Variants in CCNJ observed in about 807,000 individuals in gnomAD.
CCNJ encodes cyclin-J.
A neutral mutation model predicts 41.4 loss-of-function variants in CCNJ; 12 were observed. The ratio of observed to expected loss-of-function variants is 0.29; its 90% CI spans 0.19 to 0.47. The LOEUF (loss-of-function observed/expected upper bound fraction) is 0.47. Among genes scored for constraint, CCNJ ranks in the 20% least tolerant of loss-of-function variants. CCNJ has a pLI of 1.00. For synonymous variants in CCNJ, 161 were observed against 173.4 expected, an observed-to-expected ratio of 0.93 and a Z score of 0.56; for missense variants, 340 against 464.6, an observed-to-expected ratio of 0.73 and a Z score of 2.47.
chr10:96,051,217 A>T (rs1349196972), intron 3 of CCNJ, among the ~76,000 whole-genome samples: 1 of 152,228 alleles, frequency 6.6e-6, no homozygotes, highest in Non-Finnish European at 1.5e-5. Context: ...TTAGTACAGA[A>T]TATACTGGTG....
intron 2 of CCNJ, among the ~76,000 whole-genome samples, chr10:96,048,799 AT>A (rs1484568236): frequency 3.9e-5 from 6 of 152,282 alleles, no homozygotes; most frequent in Non-Finnish European, 7.4e-5. Flanking sequence ...TATATACCAC[AT>A]TTTGTTTATC....
At chr10:96,056,057 C>A (rs1392585262) in intron 3 of CCNJ, among the ~76,000 whole-genome samples, 2 of 152,234 alleles carry the variant, frequency 1.3e-5, no homozygotes, top group African/African-American at 4.8e-5. Context: ...CGCCTGTAAT[C>A]CCAACACTTT....
At chr10:96,044,515 C>G (rs761381314) in intron 2 of CCNJ, 53 bp downstream of exon 2, 1 of 1,360,754 alleles carries the variant, frequency 7.3e-7, no homozygotes, top group Non-Finnish European at 9.8e-7. Context: ...GCCAGTTGTT[C>G]TGAATCTCGG....
In CCNJ at chr10:96,058,521, CAG is replaced by C. The variant is rs892083172; in HGVS notation, c.*282_*283del. The C allele has an allele frequency of 8.4e-6, 4 of 477,480 alleles. No homozygotes were observed. Among genetic ancestry groups the C allele is most frequent in the African/African-American group, 2.0e-5 (1 of 51,252 alleles). The allele number at this position is 477,480 out of a possible 1,614,324, so 29.6% of individuals were successfully genotyped here. ...AATATTTCAAAAATATTCAGTACAA[CAG>C]AAAATTTGGACAGACTTCAATTTGC... On this transcript the variant is annotated 3_prime_UTR_variant, in exon 6 of 6. Coordinates refer to ENST00000465148, the MANE Select transcript of CCNJ (RefSeq NM_001134375.2).
chr10:96,052,227 G>A (rs1304499622), intron 3 of CCNJ, among the ~76,000 whole-genome samples: 1 of 152,156 alleles, frequency 6.6e-6, no homozygotes, highest in Non-Finnish European at 1.5e-5. Context: ...TGGCTGTGAA[G>A]CCCTTTGGGG....
At chr10:96,057,332 GCA>G in intron 5 of CCNJ, 85 bp downstream of exon 5, 1 of 1,170,654 alleles carries the variant, frequency 8.5e-7, no homozygotes, top group South Asian at 1.3e-5. Flanking sequence ...CTTCTGAAAG[GCA>G]CAGAGTTCCT....
chr10:96,056,031 C>T (rs559998348), intron 3 of CCNJ, among the ~76,000 whole-genome samples: 6 of 152,274 alleles, frequency 3.9e-5, no homozygotes, highest in Admixed American at 1.3e-4. Flanking sequence ...TCCTCTTGGC[C>T]GGGCGCAGTG....
At position 96,058,013 on chromosome 10, in the gene CCNJ, A is replaced by G. The variant is rs368393458; in HGVS notation, c.924A>G (p.Gln308=). ...AGTATCGCCATCCTACGTCAGAACA[A>G]CCAAGCTGTCAGCAGATTGTATCGA... The part of the protein sequence containing the change: ...SLQYRHPTSE[Q]PSCQQIVSTT... Residue 308 remains glutamine, a synonymous_variant, in exon 6 of 6, where the codon CAA becomes CAG. Transcript: ENST00000465148. 5 of 1,613,992 alleles carry G rather than the reference A, an allele frequency of 3.1e-6. No individual in the cohort carries two copies. In the African/African-American group the frequency reaches 6.7e-5, roughly 22 times the overall value.
rs2080771152 is a variant in CCNJ at position 96,059,365 on chromosome 10, T to G, written c.*1124T>G. Reference sequence around the variant, plus strand: ...CCTTTGAATCCAGCTCTAGTCAGTCTAAGCAGGCAAAGGTAACTGATGACT... The same window carrying G: ...CCTTTGAATCCAGCTCTAGTCAGTCGAAGCAGGCAAAGGTAACTGATGACT... On this transcript the variant is annotated 3_prime_UTR_variant, in exon 6 of 6. Transcript: ENST00000465148. 1 of 152,666 alleles carries G rather than the reference T, an allele frequency of 6.6e-6. No homozygotes were observed. Among genetic ancestry groups the G allele is most frequent in the Non-Finnish European group, 1.5e-5 (1 of 68,048 alleles). 9.5% of individuals were successfully genotyped at this position (152,666 alleles called of 1,614,324 possible). A position where few individuals can be genotyped will look rare whatever the true frequency, so the allele number is the denominator to read the frequency against.
chr10:96,048,793 TACC>T (rs2080437050), intron 2 of CCNJ, among the ~76,000 whole-genome samples: 1 of 152,232 alleles, frequency 6.6e-6, no homozygotes. Flanking sequence ...TCCATGTATA[TACC>T]ACATTTTGTT....
In CCNJ at chr10:96,060,572, G is replaced by A. The variant is rs1000772419; in HGVS notation, c.*2331G>A. 3 of 151,984 alleles carry A rather than the reference G, an allele frequency of 2.0e-5. No homozygotes were observed. Among genetic ancestry groups the A allele is most frequent in the African/African-American group, 7.3e-5 (3 of 41,212 alleles). 9.4% of individuals were successfully genotyped at this position (151,984 alleles called of 1,614,324 possible). ...ACAACTGCTAGCTTTGGGGGGTGGGGGAACATTGTGTGGGTTTTGTTTTGT... is the reference window on the plus strand; with the variant it reads ...ACAACTGCTAGCTTTGGGGGGTGGGAGAACATTGTGTGGGTTTTGTTTTGT... On this transcript the variant is annotated 3_prime_UTR_variant, in exon 6 of 6. Coordinates refer to ENST00000465148, the MANE Select transcript of CCNJ (RefSeq NM_001134375.2).
chr10:96,051,329 GTTTT>G (rs565322965), intron 3 of CCNJ, among the ~76,000 whole-genome samples: 18 of 150,702 alleles, frequency 1.2e-4, no homozygotes, highest in Non-Finnish European at 2.2e-4. Context: ...TTGAAATTGT[GTTTT>G]TTTTTCTTTT....
chr10:96,050,566 T>C, intron 3 of CCNJ, 100 bp downstream of exon 3: 1 of 847,372 alleles, frequency 1.2e-6, no homozygotes. Flanking sequence ...ATCCCATTCA[T>C]TCCAGTTCAC....
intron 3 of CCNJ, among the ~76,000 whole-genome samples, chr10:96,053,579 A>C (rs1348340801): frequency 6.6e-6 from 1 of 152,184 alleles, no homozygotes; most frequent in Non-Finnish European, 1.5e-5. Context: ...TGTGACCAAC[A>C]TTACATTTAT....
rs372476077 is a variant in CCNJ at position 96,044,387 on chromosome 10, G to C, written c.-7G>C. Reference sequence around the variant, plus strand: ...GCCGCGTCGGGCTGGGCGCGCCGCCGGGTCCCATGGAGCTGGAGGGGCAGT... The same window carrying C: ...GCCGCGTCGGGCTGGGCGCGCCGCCCGGTCCCATGGAGCTGGAGGGGCAGT... On this transcript the variant is annotated 5_prime_UTR_variant, in exon 2 of 6. Coordinates refer to ENST00000465148, the MANE Select transcript of CCNJ (RefSeq NM_001134375.2). 60 of 1,525,156 alleles carry C rather than the reference G, an allele frequency of 3.9e-5. No individual in the cohort carries two copies. In the African/African-American group the frequency reaches 6.2e-4, roughly 16 times the overall value. The allele number at this position is 1,525,156 out of a possible 1,614,324, so 94.5% of individuals were successfully genotyped here. A position where few individuals can be genotyped will look rare whatever the true frequency, so the allele number is the denominator to read the frequency against.
chr10:96,056,493 T>A (rs941262721), intron 3 of CCNJ, among the ~76,000 whole-genome samples: 2 of 148,552 alleles, frequency 1.3e-5, no homozygotes, highest in African/African-American at 5.2e-5. Flanking sequence ...ATTTCAAGCA[T>A]TTTTTTTTAG....
chr10:96,058,157 T>G lies in CCNJ; in HGVS notation c.1068T>G (p.Val356=). Reference sequence around the variant, plus strand: ...TGTCACTGGCAATACCAGTAGAAGTTAAGCCCTGTCTGAGTGTTTCTTACA... The same window carrying G: ...TGTCACTGGCAATACCAGTAGAAGTGAAGCCCTGTCTGAGTGTTTCTTACA... The part of the protein sequence containing the change: ...VGMSLAIPVE[V]KPCLSVSYNR... Residue 356 remains valine, a synonymous_variant, in exon 6 of 6, where the codon GTT becomes GTG. Coordinates refer to ENST00000465148, the MANE Select transcript of CCNJ (RefSeq NM_001134375.2). 1 of 1,614,136 alleles carries G rather than the reference T, an allele frequency of 6.2e-7. No individual in the cohort carries two copies.
chr10:96,056,485 T>G (rs1423878203), intron 3 of CCNJ, among the ~76,000 whole-genome samples: 1 of 152,160 alleles, frequency 6.6e-6, no homozygotes, highest in East Asian at 1.9e-4. Context: ...GTTTATGTAT[T>G]TCAAGCATTT....
intron 2 of CCNJ, among the ~76,000 whole-genome samples, chr10:96,046,666 T>C (rs567330357): frequency 6.6e-6 from 1 of 152,210 alleles, no homozygotes; most frequent in Non-Finnish European, 1.5e-5. Context: ...ATTCTATGTT[T>C]AGGCCCTAGG....
Sources: gnomAD v4.1 joint callset for allele counts (sites outside exome capture counted in the v4.1 genomes callset) on GRCh38, gnomAD v4.1.1 for gene constraint, MANE v1.5 for transcripts, NCBI Gene and HGNC (gene_info 2026-07-23, HGNC 2026-07-21) for gene names.